The following DLG2 variants were observed in gnomAD, a reference collection of about 807,000 sequenced individuals.
DLG2 encodes discs large MAGUK scaffold protein 2.
A neutral mutation model predicts 132.5 loss-of-function variants in DLG2; 45 were observed. The observed-to-expected ratio is 0.34, with a 90% CI of 0.27 to 0.44. The LOEUF (loss-of-function observed/expected upper bound fraction) is 0.44, where lower values mean the gene tolerates loss of function less well. Among genes scored for constraint, DLG2 ranks in the 20% least tolerant of loss-of-function variants. The probability of loss-of-function intolerance (pLI) is 1.00; values close to 1 mark genes in which losing one functional copy is unlikely to be tolerated. For missense variants in DLG2, 1,045 were observed against 1,196.9 expected (o/e 0.87, Z 1.87); for synonymous variants, 424 against 419.6 (o/e 1.01, Z -0.13).
intron 6 of DLG2, among the ~76,000 whole-genome samples, chr11:84,618,987 C>T (rs985360503): frequency 4.6e-5 from 7 of 151,780 alleles, no homozygotes; most frequent in East Asian, 1.9e-4. Context: ...GATGTAGGTA[C>T]AAATTTAGTA....
At chr11:85,330,792 T>TA (rs56995757) in intron 3 of DLG2, among the ~76,000 whole-genome samples, 2,675 of 116,416 alleles carry the variant, frequency 0.023, 36 homozygotes, top group African/African-American at 0.026. Context: ...AAAAAAAAAT[T>TA]AAAAAAAAAA....
At chr11:84,780,386 A>G (rs559725229) in intron 6 of DLG2, among the ~76,000 whole-genome samples, 83 of 152,278 alleles carry the variant, frequency 5.5e-4, no homozygotes, top group African/African-American at 1.9e-3. Context: ...CCTCAAAAAA[A>G]TATAGGCCAT....
chr11:83,828,351 C>T (rs540199731), intron 17 of DLG2, among the ~76,000 whole-genome samples: 2 of 152,156 alleles, frequency 1.3e-5, no homozygotes. Flanking sequence ...CGAGATCACG[C>T]CACTGTGCTC....
chr11:85,228,600 G>C (rs1463339225), intron 4 of DLG2, among the ~76,000 whole-genome samples: 1 of 151,984 alleles, frequency 6.6e-6, no homozygotes, highest in East Asian at 1.9e-4. Flanking sequence ...TTATACTTTT[G>C]CATTTAAGCC....
At chr11:85,575,120 T>C (rs1473081524) in intron 3 of DLG2, among the ~76,000 whole-genome samples, 1 of 151,856 alleles carries the variant, frequency 6.6e-6, no homozygotes, top group African/African-American at 2.4e-5. Flanking sequence ...ATTATTATTA[T>C]TCTCAAAATC....
At chr11:83,983,698 T>C (rs2093002349) in intron 11 of DLG2, among the ~76,000 whole-genome samples, 1 of 152,082 alleles carries the variant, frequency 6.6e-6, no homozygotes, top group African/African-American at 2.4e-5. Context: ...AGTAATTATT[T>C]TTACTGATGC....
intron 2 of DLG2, among the ~76,000 whole-genome samples, chr11:85,619,363 T>TTTAAA (rs1325489618): frequency 2.0e-5 from 3 of 151,568 alleles, no homozygotes; most frequent in African/African-American, 7.3e-5. Flanking sequence ...ATTGGGGAAT[T>TTTAAA]TTAAATTAAA....
At chr11:85,099,941 T>G (rs2070598374) in intron 6 of DLG2, among the ~76,000 whole-genome samples, 1 of 152,162 alleles carries the variant, frequency 6.6e-6, no homozygotes, top group African/African-American at 2.4e-5. Context: ...GGCTCCTTCA[T>G]CACCAAAGGC....
At chr11:84,491,946 G>A (rs764584547) in intron 7 of DLG2, among the ~76,000 whole-genome samples, 2 of 152,072 alleles carry the variant, frequency 1.3e-5, no homozygotes, top group African/African-American at 2.4e-5. Flanking sequence ...TAAAAGGAAA[G>A]TGTGTTACTT....
At chr11:85,046,152 C>T (rs1406025141) in intron 6 of DLG2, among the ~76,000 whole-genome samples, 1 of 151,996 alleles carries the variant, frequency 6.6e-6, no homozygotes, top group Non-Finnish European at 1.5e-5. Flanking sequence ...GGATCCCGAA[C>T]AGAATTTGCA....
chr11:84,620,929 C>A (rs1039202133), intron 6 of DLG2, among the ~76,000 whole-genome samples: 1 of 152,030 alleles, frequency 6.6e-6, no homozygotes, highest in African/African-American at 2.4e-5. Context: ...AAAAATTGGA[C>A]AGAATCAAAG....
At chr11:84,833,189 T>C (rs2079262624) in intron 6 of DLG2, among the ~76,000 whole-genome samples, 2 of 151,536 alleles carry the variant, frequency 1.3e-5, no homozygotes, top group Non-Finnish European at 3.0e-5. Context: ...TTTTCCTCCA[T>C]GCCACAGAGT....
At chr11:84,603,404 G>A (rs1271266803) in intron 6 of DLG2, among the ~76,000 whole-genome samples, 1 of 151,882 alleles carries the variant, frequency 6.6e-6, no homozygotes, top group East Asian at 1.9e-4. Context: ...ATGACCTAGA[G>A]CAAGCCATTT....
At chr11:84,288,652 G>A (rs796481523) in intron 7 of DLG2, among the ~76,000 whole-genome samples, 1 of 152,030 alleles carries the variant, frequency 6.6e-6, no homozygotes, top group African/African-American at 2.4e-5. Flanking sequence ...AAATTGCATA[G>A]AGAATGCTAA....
rs190835578 is a variant in DLG2 at position 83,673,173 on chromosome 11, T to C, written c.1826-39848A>G. Among the ~76,000 whole-genome samples the C allele has an allele frequency of 2.0e-5, 3 of 152,372 alleles. No individual in the cohort carries two copies. The East Asian group carries it at 5.8e-4, about 29-fold the overall frequency. ...TGGACTAAAAACATATATTTGTCCA[T>C]ATAATTTTTAGTCATGACAAACACA... On this transcript the variant is annotated intron_variant, in intron 18 of 27. Transcript: ENST00000376104.
chr11:83,740,770 G>A (rs2092440568), intron 18 of DLG2, among the ~76,000 whole-genome samples: 1 of 152,138 alleles, frequency 6.6e-6, no homozygotes, highest in Admixed American at 6.5e-5. Flanking sequence ...GCCATGGAGG[G>A]AGCACTGTGA....
At chr11:83,661,959 A>G (rs117524323) in intron 18 of DLG2, among the ~76,000 whole-genome samples, 1 of 152,330 alleles carries the variant, frequency 6.6e-6, no homozygotes, top group Non-Finnish European at 1.5e-5. Flanking sequence ...TGAAGAGGCA[A>G]TGTTTGTATC....
At chr11:83,847,697 C>G (rs1409664036) in intron 16 of DLG2, among the ~76,000 whole-genome samples, 1 of 152,154 alleles carries the variant, frequency 6.6e-6, no homozygotes, top group African/African-American at 2.4e-5. Flanking sequence ...CCTTCCAGTT[C>G]TAGCATTTCA....
chr11:83,468,235 C>G (rs939674274), intron 25 of DLG2, among the ~76,000 whole-genome samples: 1 of 152,110 alleles, frequency 6.6e-6, no homozygotes, highest in Non-Finnish European at 1.5e-5. Flanking sequence ...TTGAAGTCTT[C>G]TTATCTGAGA....
Sources: gnomAD v4.1 joint callset for allele counts (sites outside exome capture counted in the v4.1 genomes callset) on GRCh38, gnomAD v4.1.1 for gene constraint, MANE v1.5 for transcripts, NCBI Gene and HGNC (gene_info 2026-07-23, HGNC 2026-07-21) for gene names.